The following RALYL variants were observed in gnomAD, a reference collection of about 807,000 sequenced individuals.
RALYL encodes the protein RNA-binding Raly-like protein.
Under a neutral mutation model 35.1 loss-of-function variants are expected in RALYL, and 29 were observed. The observed-to-expected ratio is 0.83, with a 90% CI of 0.61 to 1.13. RALYL has a LOEUF of 1.13. Ranked by LOEUF, RALYL falls within the 50% of genes most tolerant of loss-of-function variation. RALYL has a pLI of 0.00. For missense variants in RALYL, 359 were observed against 360.4 expected (o/e 1.00, Z 0.03); for synonymous variants, 120 against 127.6 (o/e 0.94, Z 0.40).
At chr8:84,726,398 T>C (rs1844967334) in intron 2 of RALYL, among the ~76,000 whole-genome samples, 1 of 149,868 alleles carries the variant, frequency 6.7e-6, no homozygotes, top group Non-Finnish European at 1.5e-5. Context: ...AAAATTAGAG[T>C]ATAAAAGAGG....
intron 8 of RALYL, among the ~76,000 whole-genome samples, chr8:84,888,147 C>T (rs1843219337): frequency 1.3e-5 from 2 of 152,140 alleles, no homozygotes; most frequent in South Asian, 4.1e-4. Flanking sequence ...CTGGAAGATA[C>T]CTGGTTTACT....
chr8:84,506,529 G>A (rs186593153), intron 1 of RALYL, among the ~76,000 whole-genome samples: 6 of 152,104 alleles, frequency 3.9e-5, no homozygotes, highest in Non-Finnish European at 8.8e-5. Context: ...GTTATTGGAT[G>A]TTTCAGGCTT....
chr8:84,582,809 C>A (rs77567617), intron 2 of RALYL, among the ~76,000 whole-genome samples: 1,648 of 152,010 alleles, frequency 0.011, 30 homozygotes, highest in African/African-American at 0.038. Context: ...GGTATAGAAT[C>A]TATAAGGTCA....
At chr8:84,821,994 T>C (rs548823953) in intron 4 of RALYL, among the ~76,000 whole-genome samples, 1 of 152,272 alleles carries the variant, frequency 6.6e-6, no homozygotes, top group Non-Finnish European at 1.5e-5. Flanking sequence ...ACATTCAACT[T>C]CAAAATGAAA....
chr8:84,562,593 G>A (rs895142351), intron 2 of RALYL, among the ~76,000 whole-genome samples: 3 of 151,914 alleles, frequency 2.0e-5, no homozygotes, highest in African/African-American at 7.2e-5. Context: ...GAACAGATGG[G>A]CATCCAGCTT....
intron 1 of RALYL, among the ~76,000 whole-genome samples, chr8:84,308,155 C>A (rs983502394): frequency 1.3e-5 from 2 of 150,102 alleles, no homozygotes; most frequent in Non-Finnish European, 3.0e-5. Flanking sequence ...AACAAAGATT[C>A]TACACGGAAA....
At chr8:84,417,785 T>G (rs1274894395) in intron 1 of RALYL, among the ~76,000 whole-genome samples, 2 of 152,168 alleles carry the variant, frequency 1.3e-5, no homozygotes, top group African/African-American at 4.8e-5. Flanking sequence ...TCCAATTCTT[T>G]ATTTTCCCTC....
chr8:84,578,142 T>C (rs1410690264), intron 2 of RALYL, among the ~76,000 whole-genome samples: 2 of 152,068 alleles, frequency 1.3e-5, no homozygotes, highest in Non-Finnish European at 2.9e-5. Flanking sequence ...GAGCAAAAGG[T>C]CTGGCCACTG....
intron 1 of RALYL, among the ~76,000 whole-genome samples, chr8:84,506,318 G>A (rs1564054118): frequency 1.3e-5 from 2 of 151,970 alleles, no homozygotes; most frequent in Non-Finnish European, 2.9e-5. Context: ...AGCTTATAGA[G>A]TACATTGTTG....
intron 1 of RALYL, among the ~76,000 whole-genome samples, chr8:84,247,669 A>G (rs1034782382): frequency 6.6e-6 from 1 of 152,160 alleles, no homozygotes; most frequent in Non-Finnish European, 1.5e-5. Flanking sequence ...ATTCTATTCT[A>G]AAAAGAATTT....
At chr8:84,685,158 A>C (rs189133448) in intron 2 of RALYL, among the ~76,000 whole-genome samples, 1 of 152,142 alleles carries the variant, frequency 6.6e-6, no homozygotes, top group Admixed American at 6.6e-5. Context: ...GGGTTTTGAC[A>C]TGGGAATGTA....
intron 2 of RALYL, among the ~76,000 whole-genome samples, chr8:84,535,926 A>C (rs188991514): frequency 2.4e-3 from 365 of 152,264 alleles, no homozygotes; most frequent in African/African-American, 8.3e-3. Flanking sequence ...AATAAACTCC[A>C]TTAATTTTCA....
chr8:84,695,489 T>C (rs1838940565), intron 2 of RALYL, among the ~76,000 whole-genome samples: 1 of 151,864 alleles, frequency 6.6e-6, no homozygotes, highest in Non-Finnish European at 1.5e-5. Context: ...ATTCATTCTC[T>C]TTGATATAAA....
chr8:84,244,312 G>A (rs972714381), intron 1 of RALYL, among the ~76,000 whole-genome samples: 3 of 152,094 alleles, frequency 2.0e-5, no homozygotes, highest in Non-Finnish European at 2.9e-5. Flanking sequence ...AAGGACAAAA[G>A]TTTAGTATTC....
At chr8:84,450,473 G>A (rs2049342639) in intron 1 of RALYL, among the ~76,000 whole-genome samples, 1 of 151,822 alleles carries the variant, frequency 6.6e-6, no homozygotes, top group African/African-American at 2.4e-5. Flanking sequence ...CATTATGTCT[G>A]ATTGCTAATT....
intron 1 of RALYL, among the ~76,000 whole-genome samples, chr8:84,490,868 T>C (rs2055210309): frequency 6.6e-6 from 1 of 151,764 alleles, no homozygotes; most frequent in African/African-American, 2.4e-5. Flanking sequence ...GAGGGATCAT[T>C]CAATGTGATT....
chr8:84,865,084 A>G (rs1838905847), intron 6 of RALYL, among the ~76,000 whole-genome samples: 1 of 152,194 alleles, frequency 6.6e-6, no homozygotes, highest in Non-Finnish European at 1.5e-5. Context: ...TCTTTTTAGG[A>G]GCATATTGGC....
intron 2 of RALYL, among the ~76,000 whole-genome samples, chr8:84,576,215 A>T (rs1256354198): frequency 1.3e-5 from 2 of 152,198 alleles, no homozygotes. Context: ...AACAATATTC[A>T]TTTCATATAC....
intron 1 of RALYL, among the ~76,000 whole-genome samples, chr8:84,524,867 A>G (rs929816570): frequency 1.3e-5 from 2 of 151,784 alleles, no homozygotes; most frequent in Non-Finnish European, 1.5e-5. Context: ...ATACAGCTAC[A>G]CTATTGTATC....
Sources: gnomAD v4.1 joint callset for allele counts (sites outside exome capture counted in the v4.1 genomes callset) on GRCh38, gnomAD v4.1.1 for gene constraint, MANE v1.5 for transcripts, NCBI Gene and HGNC (gene_info 2026-07-23, HGNC 2026-07-21) for gene names.